TFB2M: variants seen among roughly 807,000 people sequenced by gnomAD.
The protein encoded by TFB2M is dimethyladenosine transferase 2, mitochondrial.
A neutral mutation model predicts 41.3 loss-of-function variants in TFB2M; 44 were observed. The ratio of observed to expected loss-of-function variants is 1.07; its 90% CI spans 0.84 to 1.37. The LOEUF (loss-of-function observed/expected upper bound fraction) is 1.37, where lower values mean the gene tolerates loss of function less well. TFB2M is among the 40% of genes most tolerant of loss of function. The pLI is 0.00. For synonymous variants in TFB2M, 188 were observed against 176.8 expected (o/e 1.06, Z -0.50); for missense variants, 496 against 490.2 (o/e 1.01, Z -0.11).
intron 4 of TFB2M, among the ~76,000 whole-genome samples, chr1:246,552,016 C>T (rs10465616): frequency 0.041 from 6,266 of 152,216 alleles, 417 homozygotes; most frequent in African/African-American, 0.14. Context: ...TATCCTAATC[C>T]ATAGCAATAC....
In TFB2M at chr1:246,548,566, C is replaced by A. The variant is rs146116264; in HGVS notation, c.837G>T (p.Pro279=). 9.3e-6 allele frequency: 15 copies of A among 1,613,036 alleles called. No homozygotes were observed. The highest frequency in any genetic ancestry group is 3.3e-4 in the Middle Eastern group (2 of 6,076). The change falls in exon 6 of 8, where the codon CCG becomes CCT. Residue 279 remains proline, a synonymous_variant. Transcript: ENST00000366514. ...SSFDIYTRKG[P]LENPKRRELL... ...TTACCCTACGCTTTGGGTTTTCCAGCGGCCCTTTCCGGGTGTATATATCAA... is the reference window on the plus strand; with the variant it reads ...TTACCCTACGCTTTGGGTTTTCCAGAGGCCCTTTCCGGGTGTATATATCAA...
chr1:246,564,290 A>G lies in TFB2M; in HGVS notation c.402+56T>C, dbSNP rs1272770380. ...TGTGTGCTTAATTCCATTTCCTTAA[A>G]CCACTCACAGATAGTTGAACAAACA... is the stretch of plus-strand genomic sequence containing the variant. On this transcript the variant is annotated intron_variant, in intron 2 of 7. Coordinates refer to ENST00000366514, the MANE Select transcript of TFB2M (RefSeq NM_022366.3). 3 of 1,481,610 alleles carry G rather than the reference A, an allele frequency of 2.0e-6. No homozygotes were observed. The African/African-American group carries it at 4.2e-5, about 21-fold the overall frequency. 91.8% of individuals were successfully genotyped at this position (1,481,610 alleles called of 1,614,324 possible).
At chr1:246,550,686 C>A (rs1659150527) in intron 5 of TFB2M, among the ~76,000 whole-genome samples, 2 of 152,166 alleles carry the variant, frequency 1.3e-5, no homozygotes, top group African/African-American at 4.8e-5. Flanking sequence ...GAGCTCAAGG[C>A]CAGCCTGGCC....
chr1:246,564,562 T>C (rs936049443), intron 1 of TFB2M, 128 bp from the exon 2 acceptor site: 2 of 729,390 alleles, frequency 2.7e-6, no homozygotes, highest in African/African-American at 1.8e-5. Flanking sequence ...GCAAAGTAGA[T>C]GTCACTCTCC....
chr1:246,542,673 G>T (rs1283454779), intron 7 of TFB2M, among the ~76,000 whole-genome samples: 1 of 152,078 alleles, frequency 6.6e-6, no homozygotes, highest in East Asian at 1.9e-4. Context: ...CTCTCTGTCT[G>T]TTCAATTCCA....
intron 7 of TFB2M, among the ~76,000 whole-genome samples, chr1:246,543,715 C>T (rs1370507446): frequency 1.3e-5 from 2 of 152,230 alleles, no homozygotes; most frequent in African/African-American, 4.8e-5. Context: ...AGGTGGATTG[C>T]TTGAGGCCAG....
intron 4 of TFB2M, among the ~76,000 whole-genome samples, chr1:246,554,641 ATAAT>A (rs1659272186): frequency 1.3e-5 from 2 of 152,298 alleles, no homozygotes; most frequent in Admixed American, 1.3e-4. Flanking sequence ...GGTGAGTTGT[ATAAT>A]TATTTCATTA....
chr1:246,560,015 T>C (rs1271618206), intron 2 of TFB2M, among the ~76,000 whole-genome samples: 1 of 152,132 alleles, frequency 6.6e-6, no homozygotes, highest in East Asian at 1.9e-4. Context: ...GAGGGCCGCA[T>C]ACAGCCCAGG....
chr1:246,546,984 T>TACAC (rs1491456415), intron 6 of TFB2M, among the ~76,000 whole-genome samples: 2 of 87,048 alleles, frequency 2.3e-5, no homozygotes, highest in East Asian at 3.5e-4. Context: ...CACACACACA[T>TACAC]TTTTTTTTTT....
intron 6 of TFB2M, among the ~76,000 whole-genome samples, chr1:246,546,972 C>CACAT (rs10656063): frequency 0.43 from 52,503 of 122,448 alleles, 10,990 homozygotes; most frequent in Non-Finnish European, 0.53. Flanking sequence ...TATATACACA[C>CACAT]ACACACACAC....
intron 3 of TFB2M, among the ~76,000 whole-genome samples, chr1:246,556,969 T>C (rs1165814717): frequency 1.3e-5 from 2 of 152,080 alleles, no homozygotes; most frequent in South Asian, 2.1e-4. Flanking sequence ...TGTATTAATA[T>C]AATATAAATT....
At chr1:246,553,736 TG>T (rs1216845830) in intron 4 of TFB2M, among the ~76,000 whole-genome samples, 1 of 152,308 alleles carries the variant, frequency 6.6e-6, no homozygotes, top group East Asian at 1.9e-4. Context: ...GTTCGTGGAT[TG>T]GAAGATTTAA....
chr1:246,558,083 CAA>C (rs1405297296), intron 2 of TFB2M, among the ~76,000 whole-genome samples: 3 of 150,700 alleles, frequency 2.0e-5, no homozygotes, highest in Non-Finnish European at 4.4e-5. Flanking sequence ...TGAAAAGTGG[CAA>C]AAGTACAATA....
At chr1:246,551,883 T>C (rs569916954) in intron 4 of TFB2M, among the ~76,000 whole-genome samples, 22 of 152,294 alleles carry the variant, frequency 1.4e-4, no homozygotes, top group South Asian at 6.2e-4. Context: ...TGTCTTTCCT[T>C]TGTTGAATAG....
chr1:246,560,398 C>G (rs535598531), intron 2 of TFB2M, among the ~76,000 whole-genome samples: 9 of 152,120 alleles, frequency 5.9e-5, no homozygotes, highest in Admixed American at 1.3e-4. Flanking sequence ...GGGCGTGTGC[C>G]TGTAATCCCA....
chr1:246,544,883 G>GA (rs1282852668), intron 6 of TFB2M, among the ~76,000 whole-genome samples: 7 of 152,144 alleles, frequency 4.6e-5, no homozygotes, highest in Admixed American at 3.9e-4. Flanking sequence ...TCCACTCACT[G>GA]AAAGCTCCAT....
chr1:246,541,137 A>G lies in TFB2M; in HGVS notation c.1085T>C (p.Val362Ala). The change falls in exon 8 of 8, where the codon GTA becomes GCA. Residue 362 changes from valine to alanine, a missense_variant. By Grantham distance (64) the Val-to-Ala change is moderately conservative. Transcript: ENST00000366514. Reference sequence around the variant, plus strand: ...GAAGTCTTGAGGGTGCATGTTAACTACTTTCTCATCCTCCTGTTTTCCTAT... The same window carrying G: ...GAAGTCTTGAGGGTGCATGTTAACTGCTTTCTCATCCTCCTGTTTTCCTAT... ...MQIGKQEDEK[V>A]VNMHPQDFKT... The G allele has an allele frequency of 6.2e-7, 1 of 1,614,134 alleles. No homozygotes were observed. The highest frequency in any genetic ancestry group is 8.5e-7 in the Non-Finnish European group (1 of 1,179,996).
intron 4 of TFB2M, among the ~76,000 whole-genome samples, chr1:246,554,980 A>G (rs188573810): frequency 9.8e-5 from 15 of 152,372 alleles, no homozygotes; most frequent in Admixed American, 8.5e-4. Flanking sequence ...TCCAGAATAT[A>G]TAAAGAACTC....
intron 4 of TFB2M, among the ~76,000 whole-genome samples, chr1:246,553,091 G>A (rs12742618): frequency 0.29 from 43,516 of 151,866 alleles, 6,865 homozygotes; most frequent in East Asian, 0.66. Context: ...GCATGGTGGC[G>A]CGTGCCTGTA....
Sources: allele counts gnomAD v4.1 joint callset (sites outside exome capture counted in the v4.1 genomes callset), GRCh38; gene constraint gnomAD v4.1.1; transcripts MANE v1.5; gene names NCBI Gene and HGNC (gene_info 2026-07-23, HGNC 2026-07-21).